The following SH3PXD2B variants were observed in gnomAD, a reference collection of about 807,000 sequenced individuals.
SH3PXD2B encodes SH3 and PX domain-containing protein 2B.
SH3PXD2B carries 37 observed loss-of-function variants against 73.1 expected under a neutral mutation model. The observed-to-expected ratio is 0.51, with a 90% confidence interval of 0.39 to 0.67. SH3PXD2B has a LOEUF of 0.67. Among genes scored for constraint, SH3PXD2B ranks in the 30% least tolerant of loss-of-function variants. SH3PXD2B has a pLI of 0.00. For missense variants in SH3PXD2B, 1,053 were observed against 1,197.8 expected (o/e 0.88, Z 1.78); for synonymous variants, 457 against 480.5 (o/e 0.95, Z 0.64).
At position 172,364,252 on chromosome 5, in the gene SH3PXD2B, C is replaced by T. The variant is rs551250897; in HGVS notation, c.428-1383G>A. Among the ~76,000 whole-genome samples, 4 of 152,206 alleles carry T rather than the reference C, an allele frequency of 2.6e-5. No individual in the cohort carries two copies. The South Asian group carries it at 8.3e-4, about 32-fold the overall frequency. ...AGGCTAAATGTGGGGGAAGGGCAGC[C>T]AGACATTTGCGGTCACAGGAGGGCC... On this transcript the variant is annotated intron_variant, in intron 6 of 12. Transcript: ENST00000311601.
Position 172,334,354 on chromosome 5 carries a change from T to G in SH3PXD2B, c.*4015A>C. 5.0e-6 allele frequency: 5 copies of G among 993,832 alleles called. No individual in the cohort carries two copies. The highest frequency in any genetic ancestry group is 6.0e-6 in the Non-Finnish European group (5 of 836,518). The allele number at this position is 993,832 out of a possible 1,614,324, so 61.6% of individuals were successfully genotyped here. A position where few individuals can be genotyped will look rare whatever the true frequency, so the allele number is the denominator to read the frequency against. On this transcript the variant is annotated 3_prime_UTR_variant, in exon 13 of 13. Coordinates refer to ENST00000311601, the MANE Select transcript of SH3PXD2B (RefSeq NM_001017995.3). Reference sequence around the variant, plus strand: ...ACTTACTCTAGTTAGGAGCAATTCCTCCAGGCCAAGAGAGGGCGCCCTGCA... The same window carrying G: ...ACTTACTCTAGTTAGGAGCAATTCCGCCAGGCCAAGAGAGGGCGCCCTGCA...
chr5:172,333,995 TTC>T lies in SH3PXD2B; in HGVS notation c.*4372_*4373del. ...CTGATGTAAGCCTGGTGGGGGCACCTTCTTTTTTACATGAATAGGACATCTAA... is the reference window on the plus strand; with the variant it reads ...CTGATGTAAGCCTGGTGGGGGCACCTTTTTTTACATGAATAGGACATCTAA... On this transcript the variant is annotated 3_prime_UTR_variant, in exon 13 of 13. Coordinates refer to ENST00000311601, the MANE Select transcript of SH3PXD2B (RefSeq NM_001017995.3). 8.4e-7 allele frequency: 1 copy of T among 1,194,286 alleles called. No homozygotes were observed. The highest frequency in any genetic ancestry group is 3.8e-4 in the Middle Eastern group (1 of 2,632). The allele number at this position is 1,194,286 out of a possible 1,614,324, so 74.0% of individuals were successfully genotyped here.
At chr5:172,446,819 T>C (rs765309022) in intron 1 of SH3PXD2B, among the ~76,000 whole-genome samples, 1 of 152,240 alleles carries the variant, frequency 6.6e-6, no homozygotes, top group African/African-American at 2.4e-5. Flanking sequence ...GCAAGCACGA[T>C]GGGGAAGGGC....
intron 2 of SH3PXD2B, among the ~76,000 whole-genome samples, chr5:172,416,445 A>G (rs1275050735): frequency 6.6e-6 from 1 of 151,166 alleles, no homozygotes; most frequent in African/African-American, 2.4e-5. Flanking sequence ...CTCCTGCCTC[A>G]GCCTCCTGAG....
chr5:172,411,340 G>A (rs911859591), intron 2 of SH3PXD2B, among the ~76,000 whole-genome samples: 8 of 152,080 alleles, frequency 5.3e-5, no homozygotes, highest in African/African-American at 1.9e-4. Context: ...GTGTTTTTCA[G>A]TCCTCAGAGG....
At chr5:172,341,354 G>A (rs1756844500) in intron 12 of SH3PXD2B, among the ~76,000 whole-genome samples, 1 of 152,176 alleles carries the variant, frequency 6.6e-6, no homozygotes, top group South Asian at 2.1e-4. Flanking sequence ...GGGCCTGGTG[G>A]GAGGTGTTTG....
rs748574773 is a variant in SH3PXD2B at position 172,353,255 on chromosome 5, C to T, written c.785+633G>A. On this transcript the variant is annotated intron_variant, in intron 9 of 12. Coordinates refer to ENST00000311601, the MANE Select transcript of SH3PXD2B (RefSeq NM_001017995.3). The surrounding 1 kb of genome is among the most constrained non-coding windows in gnomAD (Gnocchi z 4.3). ...CGCAGACACTAGATTGCAGGGACCTCGGCTTCCTCTCTTGCCCTAATTTCC... is the reference window on the plus strand; with the variant it reads ...CGCAGACACTAGATTGCAGGGACCTTGGCTTCCTCTCTTGCCCTAATTTCC... Among the ~76,000 whole-genome samples the T allele has an allele frequency of 6.6e-6, 1 of 152,152 alleles. No individual in the cohort carries two copies. Among genetic ancestry groups the T allele is most frequent in the African/African-American group, 2.4e-5 (1 of 41,420 alleles).
chr5:172,439,960 G>A (rs1019898702), intron 1 of SH3PXD2B, among the ~76,000 whole-genome samples: 1 of 152,174 alleles, frequency 6.6e-6, no homozygotes, highest in Non-Finnish European at 1.5e-5. Flanking sequence ...GCGGCGTGGG[G>A]AACTTTCCAA....
At chr5:172,439,476 C>T (rs557093846) in intron 1 of SH3PXD2B, among the ~76,000 whole-genome samples, 2 of 152,132 alleles carry the variant, frequency 1.3e-5, no homozygotes, top group Admixed American at 1.3e-4. Context: ...GGCGCTAATG[C>T]ATGTCAGGTG....
intron 5 of SH3PXD2B, among the ~76,000 whole-genome samples, chr5:172,377,090 C>T (rs1248884395): frequency 6.6e-6 from 1 of 152,208 alleles, no homozygotes; most frequent in East Asian, 1.9e-4. Context: ...CTGAGCCATG[C>T]ACCCCTGCTT....
At position 172,339,358 on chromosome 5, in the gene SH3PXD2B, C is replaced by G; in HGVS notation, c.1747G>C (p.Asp583His). The G allele has an allele frequency of 6.2e-7, 1 of 1,614,196 alleles. No individual in the cohort carries two copies. Among genetic ancestry groups the G allele is most frequent in the Non-Finnish European group, 8.5e-7 (1 of 1,180,044 alleles). Residue 583 changes from aspartate (D) to histidine (H), a missense_variant, in exon 13 of 13, where the codon GAC (aspartate) becomes CAC (histidine). By Grantham distance (81) the Asp-to-His change is moderately conservative. This residue lies in a region of SH3PXD2B where 587 missense variants were observed against 590.7 expected (regional missense o/e 0.99). Coordinates refer to ENST00000311601, the MANE Select transcript of SH3PXD2B (RefSeq NM_001017995.3). This position sits in a 1 kb window ranked among gnomAD's most constrained non-coding sequence, Gnocchi z 6.1. ...TTCAGCTGGAACAGTCTGCTTTTGT[C>G]AGGTTTGGGCTCTGGCCTCCTGCTG... is the stretch of plus-strand genomic sequence containing the variant. ...RDSRRPEPKP[D>H]KSRLFQLKND...
At chr5:172,381,082 G>A (rs7721076) in intron 5 of SH3PXD2B, among the ~76,000 whole-genome samples, 11,354 of 152,284 alleles carry the variant, frequency 0.075, 606 homozygotes, top group South Asian at 0.2. Flanking sequence ...TTCCAAAAGG[G>A]AGCATGTGTC....
chr5:172,360,080 T>C (rs1757365676), intron 7 of SH3PXD2B, among the ~76,000 whole-genome samples: 1 of 152,222 alleles, frequency 6.6e-6, no homozygotes, highest in Non-Finnish European at 1.5e-5. Flanking sequence ...GAGACCATGC[T>C]GAACTTCTGA....
exon 13 of SH3PXD2B, chr5:172,325,208 C>CAA: frequency 6.9e-6 from 8 of 1,151,102 alleles, no homozygotes; most frequent in African/African-American, 4.7e-5. Context: ...TTTACCACGA[C>CAA]AAAAAAAAAT....
intron 1 of SH3PXD2B, among the ~76,000 whole-genome samples, chr5:172,436,671 T>C (rs1447505962): frequency 1.3e-5 from 2 of 152,146 alleles, no homozygotes; most frequent in African/African-American, 4.8e-5. Flanking sequence ...TAGAAGCCTG[T>C]GGAGATGAAG....
chr5:172,339,190 T>G lies in SH3PXD2B; in HGVS notation c.1915A>C (p.Arg639=). Residue 639 remains arginine, a synonymous_variant, in exon 13 of 13, where the codon AGA becomes CGA. Transcript: ENST00000311601. This position sits in a 1 kb window ranked among gnomAD's most constrained non-coding sequence, Gnocchi z 6.1. ...GCTGGTTTTGGCCTAACCTGAGGTCTGGACTTCAAGAAGGGATTCTGGGGA... is the reference window on the plus strand; with the variant it reads ...GCTGGTTTTGGCCTAACCTGAGGTCGGGACTTCAAGAAGGGATTCTGGGGA... The part of the protein sequence containing the change: ...ATPQNPFLKS[R]PQVRPKPAPS... 4.3e-6 allele frequency: 7 copies of G among 1,614,240 alleles called. No homozygotes were observed. The highest frequency in any genetic ancestry group is 5.9e-6 in the Non-Finnish European group (7 of 1,180,036).
chr5:172,340,130 C>T (rs1756820549), intron 12 of SH3PXD2B, among the ~76,000 whole-genome samples: 1 of 152,186 alleles, frequency 6.6e-6, no homozygotes, highest in Non-Finnish European at 1.5e-5. Flanking sequence ...TGGGACTCCC[C>T]CTAAAGCAGT....
intron 1 of SH3PXD2B, among the ~76,000 whole-genome samples, chr5:172,436,653 C>T (rs946329754): frequency 2.0e-5 from 3 of 152,290 alleles, no homozygotes; most frequent in East Asian, 1.9e-4. Context: ...CTCATACCTA[C>T]GAAACAGTAG....
chr5:172,402,987 C>G (rs1053663459), intron 3 of SH3PXD2B, among the ~76,000 whole-genome samples: 1 of 152,248 alleles, frequency 6.6e-6, no homozygotes, highest in African/African-American at 2.4e-5. Context: ...AACCGTGAGG[C>G]CAGTGGTAGG....
Sources: gnomAD v4.1 joint callset for allele counts (sites outside exome capture counted in the v4.1 genomes callset) on GRCh38, gnomAD v4.1.1 for gene constraint, gnomAD v4.1.1 regional missense constraint, Gnocchi (gnomAD v3.1) non-coding constraint, MANE v1.5 for transcripts, NCBI Gene and HGNC (gene_info 2026-07-23, HGNC 2026-07-21) for gene names.